CLPTM1L: variants seen among roughly 807,000 people sequenced by gnomAD.
CLPTM1L encodes the protein lipid scramblase CLPTM1L.
A neutral mutation model predicts 70.9 loss-of-function variants in CLPTM1L; 38 were observed. The ratio of observed to expected loss-of-function variants is 0.54; its 90% confidence interval spans 0.41 to 0.70. The LOEUF (loss-of-function observed/expected upper bound fraction) is 0.70. Among genes scored for constraint, CLPTM1L ranks in the 30% least tolerant of loss-of-function variants. CLPTM1L has a pLI of 0.00. For synonymous variants in CLPTM1L, 339 were observed against 299.9 expected, an observed-to-expected ratio of 1.13 and a Z score of -1.35; for missense variants, 652 against 705.9, an observed-to-expected ratio of 0.92 and a Z score of 0.87.
Position 1,342,039 on chromosome 5 carries a change from T to TGTGCGCGCGCGCGC in CLPTM1L, c.264-180_264-179insGCGCGCGCGCGCAC, listed in dbSNP as rs3222913. Reference sequence around the variant, plus strand: ...GTGTGTGTGTGTGTGTGTGTGTGTGTGCACGCGCACGCGTGCGCGTCCTGA... The same window carrying TGTGCGCGCGCGCGC: ...GTGTGTGTGTGTGTGTGTGTGTGTGTGTGCGCGCGCGCGCGCACGCGCACGCGTGCGCGTCCTGA... On this transcript the variant is annotated intron_variant, in intron 2 of 16. Coordinates refer to ENST00000320895, the MANE Select transcript of CLPTM1L (RefSeq NM_030782.5). This position sits in a 1 kb window ranked among gnomAD's most constrained non-coding sequence, Gnocchi z 4.3. Among the ~76,000 whole-genome samples, 214 of 149,082 alleles carry TGTGCGCGCGCGCGC rather than the reference T, an allele frequency of 1.4e-3. No homozygotes were observed. The highest frequency in any genetic ancestry group is 5.2e-3 in the African/African-American group (207 of 39,776).
At chr5:1,322,752 CAGGGTGGGG>C in intron 13 of CLPTM1L, 116 bp downstream of exon 13, 1 of 966,972 alleles carries the variant, frequency 1.0e-6, no homozygotes, top group Middle Eastern at 2.1e-4. Flanking sequence ...TGTGCCAGAA[CAGGGTGGGG>C]AGGGATTAGC....
chr5:1,326,000 A>C, intron 9 of CLPTM1L, 184 bp from the exon 10 acceptor site: 1 of 584,060 alleles, frequency 1.7e-6, no homozygotes, highest in Admixed American at 3.0e-5. Context: ...TCTAACCCAC[A>C]CACGGCAGGC....
intron 3 of CLPTM1L, 94 bp from the exon 4 acceptor site, chr5:1,339,099 CACAG>C (rs1296912144): frequency 4.3e-6 from 6 of 1,409,964 alleles, no homozygotes; most frequent in Admixed American, 2.1e-5. Context: ...AGAACGGCCA[CACAG>C]ACAGGCAAAC....
At chr5:1,319,176 C>T (rs1156442982) in intron 16 of CLPTM1L, among the ~76,000 whole-genome samples, 1 of 152,134 alleles carries the variant, frequency 6.6e-6, no homozygotes, top group African/African-American at 2.4e-5. Flanking sequence ...TCCGGGGCTC[C>T]GTGGCTTGGA....
chr5:1,338,326 A>G, intron 4 of CLPTM1L: 1 of 355,372 alleles, frequency 2.8e-6, no homozygotes, highest in Non-Finnish European at 5.3e-6. Flanking sequence ...ACTGACACGG[A>G]GCAATCCCAG....
At chr5:1,340,029 A>G (rs1234635101) in intron 3 of CLPTM1L, among the ~76,000 whole-genome samples, 2 of 152,248 alleles carry the variant, frequency 1.3e-5, no homozygotes, top group African/African-American at 4.8e-5. Flanking sequence ...CCCAGCAGAG[A>G]GGGCACAGCG....
At chr5:1,337,432 G>A (rs571392564) in intron 5 of CLPTM1L, among the ~76,000 whole-genome samples, 1 of 152,352 alleles carries the variant, frequency 6.6e-6, no homozygotes, top group South Asian at 2.1e-4. Context: ...GCCTTGCCAG[G>A]GGCCACCCCG....
chr5:1,341,763 C>T lies in CLPTM1L; in HGVS notation c.361G>A (p.Gly121Arg), dbSNP rs143332641. The T allele has an allele frequency of 2.3e-5, 37 of 1,613,784 alleles. No individual in the cohort carries two copies. The highest frequency in any genetic ancestry group is 1.3e-4 in the South Asian group (12 of 91,082). ...GGACTGACCAGGTGCACCTGCTTCC[C>T]GTCGTGCCACGGCAGGACCCCAGCG... ...HHAGVLPWHD[G>R]KQVHLVSPLT... The change falls in exon 3 of 17, where the codon GGG becomes AGG. Residue 121 changes from glycine (G) to arginine (R), a missense_variant. Gly to Arg is a moderately radical substitution (Grantham distance 125). This residue lies in a region of CLPTM1L where 402 missense variants were observed against 388.2 expected (regional missense o/e 1.04). Coordinates refer to ENST00000320895, the MANE Select transcript of CLPTM1L (RefSeq NM_030782.5).
rs188921131 is a variant in CLPTM1L at position 1,321,917 on chromosome 5, C to A, written c.1316-98G>T. On this transcript the variant is annotated intron_variant, in intron 13 of 16. Coordinates refer to ENST00000320895, the MANE Select transcript of CLPTM1L (RefSeq NM_030782.5). ...CGAGGTGTGGAGGGCCGAGCTGCCACGTCTATGCATAGTGGGCAGAAAACA... is the reference window on the plus strand; with the variant it reads ...CGAGGTGTGGAGGGCCGAGCTGCCAAGTCTATGCATAGTGGGCAGAAAACA... The A allele has an allele frequency of 3.7e-6, 4 of 1,083,572 alleles. No homozygotes were observed. The Admixed American group carries it at 7.9e-5, about 21-fold the overall frequency. 67.1% of individuals were successfully genotyped at this position (1,083,572 alleles called of 1,614,324 possible).
At chr5:1,327,201 C>CCATCCAGCTCCTCCTCTACAGACACATTT (rs1561234888) in intron 9 of CLPTM1L, among the ~76,000 whole-genome samples, 1 of 130,654 alleles carries the variant, frequency 7.7e-6, no homozygotes, top group Non-Finnish European at 1.6e-5. Context: ...CAGACACATT[C>CCATCCAGCTCCTCCTCTACAGACACATTT]CATCCAGCTC....
chr5:1,330,654 G>A (rs751614538), intron 8 of CLPTM1L: 7 of 480,336 alleles, frequency 1.5e-5, no homozygotes, highest in African/African-American at 3.9e-5. Flanking sequence ...CATGGAACGT[G>A]GGCAGAGGTC....
chr5:1,330,742 C>A, intron 8 of CLPTM1L: 1 of 224,304 alleles, frequency 4.5e-6, no homozygotes. Flanking sequence ...CTTTTCAAGT[C>A]TGGATTTGTT....
At chr5:1,336,428 GC>G (rs1753582468) in intron 5 of CLPTM1L, among the ~76,000 whole-genome samples, 2 of 152,232 alleles carry the variant, frequency 1.3e-5, no homozygotes, top group Admixed American at 6.5e-5. Context: ...CGCAAAGCCT[GC>G]CCCGGGCCTC....
At chr5:1,328,908 C>G (rs866573291) in intron 9 of CLPTM1L, among the ~76,000 whole-genome samples, 19 of 147,392 alleles carry the variant, frequency 1.3e-4, no homozygotes, top group South Asian at 1.3e-3. Context: ...CCTCTACAGA[C>G]ACATTTCATC....
At chr5:1,329,497 GA>G (rs1442903500) in intron 9 of CLPTM1L, among the ~76,000 whole-genome samples, 5 of 148,126 alleles carry the variant, frequency 3.4e-5, no homozygotes, top group African/African-American at 1.3e-4. Context: ...TTGGTGGACA[GA>G]GCCTCAGGAC....
At position 1,342,039 on chromosome 5, in the gene CLPTM1L, T is replaced by TGCGTGC. The variant is rs71309294; in HGVS notation, c.264-180_264-179insGCACGC. Among the ~76,000 whole-genome samples, 1 of 148,976 alleles carries TGCGTGC rather than the reference T, an allele frequency of 6.7e-6. No individual in the cohort carries two copies. The highest frequency in any genetic ancestry group is 2.5e-5 in the African/African-American group (1 of 39,664). On this transcript the variant is annotated intron_variant, in intron 2 of 16. Coordinates refer to ENST00000320895, the MANE Select transcript of CLPTM1L (RefSeq NM_030782.5). This position sits in a 1 kb window ranked among gnomAD's most constrained non-coding sequence, Gnocchi z 4.3. Reference sequence around the variant, plus strand: ...GTGTGTGTGTGTGTGTGTGTGTGTGTGCACGCGCACGCGTGCGCGTCCTGA... The same window carrying TGCGTGC: ...GTGTGTGTGTGTGTGTGTGTGTGTGTGCGTGCGCACGCGCACGCGTGCGCGTCCTGA...
At chr5:1,340,896 G>C (rs375267921) in intron 3 of CLPTM1L, among the ~76,000 whole-genome samples, 2 of 152,192 alleles carry the variant, frequency 1.3e-5, no homozygotes, top group East Asian at 3.8e-4. Context: ...CTCCTGAGTA[G>C]CTGGGATTAC....
Position 1,324,766 on chromosome 5 carries a change from A to C in CLPTM1L, c.1194T>G (p.Thr398=). The change falls in exon 11 of 17, where the codon ACT becomes ACG. Residue 398 remains threonine (T), a synonymous_variant. Coordinates refer to ENST00000320895, the MANE Select transcript of CLPTM1L (RefSeq NM_030782.5). Reference sequence around the variant, plus strand: ...CCCTGAATCACAAGTGACTTACCTGAGTATCGTACTCCTCGGTTTTCCTCT... The same window carrying C: ...CCCTGAATCACAAGTGACTTACCTGCGTATCGTACTCCTCGGTTTTCCTCT... ...ESERKTEEYD[T]QAMKYLSYLL... is the part of the protein sequence containing the mutation. 1 of 1,614,042 alleles carries C rather than the reference A, an allele frequency of 6.2e-7. No homozygotes were observed. Among genetic ancestry groups the C allele is most frequent in the Non-Finnish European group, 8.5e-7 (1 of 1,179,880 alleles).
chr5:1,331,492 G>C (rs926784084), intron 8 of CLPTM1L: 1 of 460,984 alleles, frequency 2.2e-6, no homozygotes, highest in Non-Finnish European at 3.9e-6. Context: ...GGGAAGGCTC[G>C]AGAGGTCCAT....
Sources: allele counts gnomAD v4.1 joint callset (sites outside exome capture counted in the v4.1 genomes callset), GRCh38; gene constraint gnomAD v4.1.1; regional missense constraint gnomAD v4.1.1; non-coding constraint Gnocchi (gnomAD v3.1); transcripts MANE v1.5; gene names NCBI Gene and HGNC (gene_info 2026-07-23, HGNC 2026-07-21).